The following MSRA variants were observed in gnomAD, a reference collection of about 807,000 sequenced individuals.
MSRA encodes the protein methionine sulfoxide reductase A.
In MSRA, 54 loss-of-function variants were observed where a neutral mutation model predicts 31.3. That is an observed-to-expected ratio of 1.73 (90% CI 1.39 to 2.17). The LOEUF (loss-of-function observed/expected upper bound fraction) is 2.17. Among genes scored for constraint, MSRA ranks in the 30% most tolerant of loss-of-function variants. MSRA has a pLI of 0.00. For synonymous variants in MSRA, 169 were observed against 116.5 expected, an observed-to-expected ratio of 1.45 and a Z score of -2.90; for missense variants, 507 against 300.9, an observed-to-expected ratio of 1.69 and a Z score of -5.07.
In MSRA at chr8:10,054,563, G is replaced by A. The variant is rs1356542732; in HGVS notation, c.47G>A (p.Ser16Asn). 6.3e-7 allele frequency: 1 copy of A among 1,587,504 alleles called. No individual in the cohort carries two copies. Among genetic ancestry groups the A allele is most frequent in the Non-Finnish European group, 8.6e-7 (1 of 1,167,218 alleles). Residue 16 changes from serine (S) to asparagine (N), a missense_variant, in exon 1 of 6, where the codon AGC (serine) becomes AAC (asparagine). Coordinates refer to ENST00000317173, the MANE Select transcript of MSRA (RefSeq NM_012331.5). ...RRACQLLLLH[S>N]LFPVPRMGNS... is the part of the protein sequence containing the mutation. ...GCTTGCCAGCTCCTCCTCCTCCACA[G>A]CCTCTTTCCCGTCCCGAGGATGGGC...
chr8:10,393,229 G>A (rs900845452), intron 5 of MSRA, among the ~76,000 whole-genome samples: 3 of 152,124 alleles, frequency 2.0e-5, no homozygotes, highest in South Asian at 2.1e-4. Flanking sequence ...AAGAAGAGAC[G>A]AGCCCATTCT....
intron 5 of MSRA, among the ~76,000 whole-genome samples, chr8:10,334,402 C>T (rs1802896815): frequency 6.6e-6 from 1 of 152,140 alleles, no homozygotes; most frequent in Admixed American, 6.5e-5. Context: ...TATAAAGTGG[C>T]TCCGGAGTGA....
intron 5 of MSRA, among the ~76,000 whole-genome samples, chr8:10,380,167 T>G (rs766877190): frequency 2.6e-5 from 4 of 152,240 alleles, no homozygotes; most frequent in Non-Finnish European, 5.9e-5. Context: ...TGCTCTCTCT[T>G]GCCTGTTTTT....
intron 5 of MSRA, among the ~76,000 whole-genome samples, chr8:10,347,910 C>A (rs185392036): frequency 2.6e-5 from 4 of 152,192 alleles, no homozygotes; most frequent in African/African-American, 9.7e-5. Context: ...ATAGATACTA[C>A]GCTGTGCTGT....
chr8:10,118,319 A>G (rs1049372813), intron 1 of MSRA, among the ~76,000 whole-genome samples: 12 of 152,216 alleles, frequency 7.9e-5, no homozygotes, highest in African/African-American at 2.7e-4. Context: ...AGCTGCGTGC[A>G]GTGAACCATG....
chr8:10,218,958 C>T (rs756212997), intron 2 of MSRA, among the ~76,000 whole-genome samples: 18 of 152,170 alleles, frequency 1.2e-4, no homozygotes, highest in Non-Finnish European at 2.5e-4. Flanking sequence ...GCTCTCTCCA[C>T]GGAGCAGCGA....
At chr8:10,401,579 T>C (rs1450202607) in intron 5 of MSRA, among the ~76,000 whole-genome samples, 1 of 152,196 alleles carries the variant, frequency 6.6e-6, no homozygotes, top group Admixed American at 6.5e-5. Flanking sequence ...TCCAGCGGAA[T>C]TGAAAGCAGG....
rs548440101 is a variant in MSRA, at chr8:10,076,006, C to G, written c.142+21348C>G. Among the ~76,000 whole-genome samples, 14 of 152,302 alleles carry G rather than the reference C, an allele frequency of 9.2e-5. No homozygotes were observed. In the South Asian group the frequency reaches 2.5e-3, roughly 27 times the overall value. On this transcript the variant is annotated intron_variant, in intron 1 of 5. Coordinates refer to ENST00000317173, the MANE Select transcript of MSRA (RefSeq NM_012331.5). ...AAATAGGCACATTCAGAAATGTGTTCTCTAGTGAAGGGCATGTTGGCTTGG... is the reference window on the plus strand; with the variant it reads ...AAATAGGCACATTCAGAAATGTGTTGTCTAGTGAAGGGCATGTTGGCTTGG...
chr8:10,343,515 G>C (rs762306370), intron 5 of MSRA, among the ~76,000 whole-genome samples: 1 of 152,150 alleles, frequency 6.6e-6, no homozygotes, highest in Non-Finnish European at 1.5e-5. Flanking sequence ...TGGAATGTCT[G>C]CTTCTGTAGC....
intron 1 of MSRA, among the ~76,000 whole-genome samples, chr8:10,175,302 A>AC (rs1478931252): frequency 6.6e-6 from 1 of 152,138 alleles, no homozygotes; most frequent in African/African-American, 2.4e-5. Context: ...TTAGCATGTA[A>AC]CCGTATATGC....
At chr8:10,322,389 G>T (rs4460417) in intron 5 of MSRA, among the ~76,000 whole-genome samples, 739 of 152,126 alleles carry the variant, frequency 4.9e-3, no homozygotes, top group South Asian at 7.7e-3. Flanking sequence ...GTGGGAGGGA[G>T]GGATATTTAG....
chr8:10,166,043 G>T (rs554790413), intron 1 of MSRA, among the ~76,000 whole-genome samples: 1 of 152,126 alleles, frequency 6.6e-6, no homozygotes, highest in African/African-American at 2.4e-5. Context: ...GACCGTGTGG[G>T]CACAGGATGG....
chr8:10,078,001 G>A (rs1305689228), intron 1 of MSRA, among the ~76,000 whole-genome samples: 1 of 152,172 alleles, frequency 6.6e-6, no homozygotes, highest in Non-Finnish European at 1.5e-5. Flanking sequence ...TTCCTTGAAG[G>A]TTTTGGGATT....
intron 1 of MSRA, among the ~76,000 whole-genome samples, chr8:10,098,281 T>G (rs1459920097): frequency 6.6e-6 from 1 of 152,186 alleles, no homozygotes; most frequent in Non-Finnish European, 1.5e-5. Flanking sequence ...TATAATATTT[T>G]GAAGTAAAAT....
intron 1 of MSRA, among the ~76,000 whole-genome samples, chr8:10,125,236 T>C (rs1448602749): frequency 2.6e-5 from 4 of 152,230 alleles, no homozygotes; most frequent in Non-Finnish European, 5.9e-5. Flanking sequence ...TCCAAAGACA[T>C]GTACTCTCTG....
intron 1 of MSRA, among the ~76,000 whole-genome samples, chr8:10,088,215 C>A (rs1030970046): frequency 6.6e-6 from 1 of 152,154 alleles, no homozygotes. Context: ...ACTACGGGAA[C>A]CCTAGTTCAC....
At chr8:10,160,467 C>T (rs1044902706) in intron 1 of MSRA, among the ~76,000 whole-genome samples, 1 of 151,584 alleles carries the variant, frequency 6.6e-6, no homozygotes, top group East Asian at 1.9e-4. Flanking sequence ...CGCACTCTAG[C>T]CTGGGCAACA....
intron 2 of MSRA, among the ~76,000 whole-genome samples, chr8:10,219,579 G>T (rs980168296): frequency 6.6e-6 from 1 of 152,052 alleles, no homozygotes; most frequent in African/African-American, 2.4e-5. Context: ...GGAGGCTGAG[G>T]TGGGTGGATC....
At chr8:10,227,557 C>G (rs1811105496) in intron 2 of MSRA, among the ~76,000 whole-genome samples, 1 of 152,174 alleles carries the variant, frequency 6.6e-6, no homozygotes, top group Non-Finnish European at 1.5e-5. Context: ...ATACCTGGTA[C>G]TCTTCAGAGA....
Sources: gnomAD v4.1 joint callset for allele counts (sites outside exome capture counted in the v4.1 genomes callset) on GRCh38, gnomAD v4.1.1 for gene constraint, MANE v1.5 for transcripts, NCBI Gene and HGNC (gene_info 2026-07-23, HGNC 2026-07-21) for gene names.